The following GRIK4 variants were observed in gnomAD, a reference collection of about 807,000 sequenced individuals.
GRIK4 encodes the protein glutamate receptor ionotropic, kainate 4.
In GRIK4, 40 loss-of-function variants were observed where a neutral mutation model predicts 104.9. The ratio of observed to expected loss-of-function variants is 0.38; its 90% confidence interval spans 0.30 to 0.50. GRIK4 has a LOEUF of 0.50. GRIK4 is among the 20% of genes least tolerant of loss of function. GRIK4 has a pLI of 0.93. For missense variants in GRIK4, 1,047 were observed against 1,308.1 expected, an observed-to-expected ratio of 0.80 and a Z score of 3.08; for synonymous variants, 485 against 524.9, an observed-to-expected ratio of 0.92 and a Z score of 1.04.
At chr11:120,537,447 G>C (rs1044795486) in intron 1 of GRIK4, among the ~76,000 whole-genome samples, 1 of 152,118 alleles carries the variant, frequency 6.6e-6, no homozygotes, top group African/African-American at 2.4e-5. Flanking sequence ...CTCTTTATTG[G>C]GCATGAACAG....
intron 1 of GRIK4, among the ~76,000 whole-genome samples, chr11:120,571,343 C>T (rs1948395543): frequency 6.6e-6 from 1 of 152,248 alleles, no homozygotes; most frequent in Non-Finnish European, 1.5e-5. Flanking sequence ...ACACCCTGCA[C>T]TCTGGCTGGT....
intron 14 of GRIK4, among the ~76,000 whole-genome samples, chr11:120,945,318 A>G (rs374227962): frequency 1.2e-4 from 18 of 152,022 alleles, no homozygotes; most frequent in African/African-American, 3.9e-4. Context: ...TTCTATTACA[A>G]CACTTTTAGG....
At chr11:120,538,106 T>G (rs1947997408) in intron 1 of GRIK4, among the ~76,000 whole-genome samples, 1 of 152,216 alleles carries the variant, frequency 6.6e-6, no homozygotes, top group South Asian at 2.1e-4. Context: ...AGTCTTTCCT[T>G]AGGAATACGA....
intron 3 of GRIK4, among the ~76,000 whole-genome samples, chr11:120,768,149 G>A (rs921948550): frequency 2.0e-5 from 3 of 151,658 alleles, no homozygotes; most frequent in Admixed American, 1.3e-4. Context: ...GGGTAGTATG[G>A]GCATTTTAAC....
At chr11:120,579,928 C>T (rs1057232191) in intron 1 of GRIK4, among the ~76,000 whole-genome samples, 1 of 152,134 alleles carries the variant, frequency 6.6e-6, no homozygotes, top group Non-Finnish European at 1.5e-5. Context: ...CCACCCTTGG[C>T]GACCACTGAT....
At chr11:120,955,358 C>T (rs867800186) in intron 15 of GRIK4, among the ~76,000 whole-genome samples, 3 of 152,164 alleles carry the variant, frequency 2.0e-5, no homozygotes, top group East Asian at 1.9e-4. Flanking sequence ...GAAGGAGAGG[C>T]GCGGATGGAA....
At chr11:120,703,006 A>G (rs532407553) in intron 3 of GRIK4, among the ~76,000 whole-genome samples, 6 of 152,292 alleles carry the variant, frequency 3.9e-5, no homozygotes, top group African/African-American at 1.4e-4. Flanking sequence ...ATGAGGTGCA[A>G]AAAAGCAACA....
chr11:120,572,396 A>C (rs1457679663), intron 1 of GRIK4, among the ~76,000 whole-genome samples: 1 of 152,110 alleles, frequency 6.6e-6, no homozygotes, highest in Non-Finnish European at 1.5e-5. Flanking sequence ...CAGGTCAGGG[A>C]GTAGAGCGTT....
chr11:120,612,286 T>G (rs1334410155), intron 1 of GRIK4, among the ~76,000 whole-genome samples: 1 of 152,208 alleles, frequency 6.6e-6, no homozygotes, highest in Non-Finnish European at 1.5e-5. Context: ...AATGAATGAA[T>G]GATAAATTTC....
chr11:120,559,052 G>A (rs1267557871), intron 1 of GRIK4, among the ~76,000 whole-genome samples: 1 of 152,220 alleles, frequency 6.6e-6, no homozygotes, highest in Admixed American at 6.5e-5. Flanking sequence ...CAAGGGAGAT[G>A]GAGAAGCCTT....
In GRIK4 at chr11:120,561,149, C is replaced by T. The variant is rs551825603; in HGVS notation, c.-159+49262C>T. On this transcript the variant is annotated intron_variant, in intron 1 of 20. Transcript: ENST00000527524. ...CAGGGAGGGAGTGAGCCTGTCTAGT[C>T]CCCTGGTGTGTGGTCTCTGGGTAAG... is the stretch of plus-strand genomic sequence containing the variant. Among the ~76,000 whole-genome samples the T allele has an allele frequency of 2.0e-5, 3 of 151,962 alleles. 1 individual carries two copies. The highest frequency in any genetic ancestry group is 4.4e-5 in the Non-Finnish European group (3 of 67,950).
chr11:120,609,195 C>T (rs1467970749), intron 1 of GRIK4, among the ~76,000 whole-genome samples: 1 of 152,024 alleles, frequency 6.6e-6, no homozygotes, highest in Non-Finnish European at 1.5e-5. Flanking sequence ...TCTCTTTCCC[C>T]CAGCCCCTCC....
intron 5 of GRIK4, among the ~76,000 whole-genome samples, chr11:120,816,987 G>C (rs769174685): frequency 6.6e-6 from 1 of 152,148 alleles, no homozygotes; most frequent in African/African-American, 2.4e-5. Flanking sequence ...TAGACCTCAC[G>C]TGTAATTTAC....
intron 2 of GRIK4, among the ~76,000 whole-genome samples, chr11:120,659,381 G>A (rs547777912): frequency 7.2e-5 from 11 of 152,202 alleles, no homozygotes; most frequent in Non-Finnish European, 1.3e-4. Context: ...GGAATGGACC[G>A]CTCCCATCTG....
intron 7 of GRIK4, among the ~76,000 whole-genome samples, chr11:120,836,301 T>G (rs568602169): frequency 6.6e-6 from 1 of 152,294 alleles, no homozygotes; most frequent in South Asian, 2.1e-4. Context: ...TTTCCTCAGC[T>G]GTAAAATGGG....
chr11:120,705,825 C>T (rs1950621405), intron 3 of GRIK4, among the ~76,000 whole-genome samples: 1 of 152,138 alleles, frequency 6.6e-6, no homozygotes, highest in African/African-American at 2.4e-5. Context: ...TTGCTGGTAT[C>T]TAGAAACTCA....
chr11:120,624,586 G>C (rs1184656136), intron 1 of GRIK4, among the ~76,000 whole-genome samples: 9 of 152,094 alleles, frequency 5.9e-5, no homozygotes, highest in Admixed American at 5.9e-4. Flanking sequence ...TGGCACCGAG[G>C]GAAGAAAGTG....
chr11:120,660,376 T>G lies in GRIK4; in HGVS notation c.58T>G (p.Cys20Gly), dbSNP rs973792630. ...TCCTGCGTGGCTCGTGATGGTCGCC[T>G]GCAGCCCGCACTCCTTGAGGATCGG... The part of the protein sequence containing the change: ...LLPAWLVMVA[C>G]SPHSLRIAAI... The change falls in exon 3 of 21, where the codon TGC becomes GGC. Residue 20 changes from cysteine to glycine, a missense_variant. Transcript: ENST00000527524. The G allele has an allele frequency of 6.2e-7, 1 of 1,613,076 alleles. No individual in the cohort carries two copies. The highest frequency in any genetic ancestry group is 8.5e-7 in the Non-Finnish European group (1 of 1,179,886).
intron 3 of GRIK4, among the ~76,000 whole-genome samples, chr11:120,694,394 T>G (rs944710881): frequency 6.6e-6 from 1 of 152,188 alleles, no homozygotes; most frequent in Non-Finnish European, 1.5e-5. Context: ...ATCAGTGGTC[T>G]CCAAACTTAG....
Sources: gnomAD v4.1 joint callset for allele counts (sites outside exome capture counted in the v4.1 genomes callset) on GRCh38, gnomAD v4.1.1 for gene constraint, MANE v1.5 for transcripts, NCBI Gene and HGNC (gene_info 2026-07-23, HGNC 2026-07-21) for gene names.